WNT3: variants seen among roughly 807,000 people sequenced by gnomAD.
WNT3 encodes Wnt family member 3.
A neutral mutation model predicts 34.2 loss-of-function variants in WNT3; 7 were observed. The observed-to-expected ratio is 0.20, with a 90% CI of 0.12 to 0.38. WNT3 has a LOEUF of 0.38. WNT3 is among the 10% of genes least tolerant of loss of function. The probability of loss-of-function intolerance (pLI) is 1.00; values close to 1 mark genes in which losing one functional copy is unlikely to be tolerated. For missense variants in WNT3, 267 were observed against 499.8 expected (o/e 0.53, Z 4.44); for synonymous variants, 212 against 211.5 (o/e 1.00, Z -0.02).
At chr17:46,799,607 C>G (rs1360699907) in intron 1 of WNT3, among the ~76,000 whole-genome samples, 1 of 152,114 alleles carries the variant, frequency 6.6e-6, no homozygotes, top group Non-Finnish European at 1.5e-5. Flanking sequence ...GCCACCATGC[C>G]TGGCTACTTT....
chr17:46,782,371 C>T (rs1450104682), intron 1 of WNT3, among the ~76,000 whole-genome samples: 9 of 152,176 alleles, frequency 5.9e-5, no homozygotes, highest in African/African-American at 1.2e-4. Flanking sequence ...GTGGGGGCCA[C>T]GGTGCTCCTG....
chr17:46,788,761 C>G (rs2083940443), intron 1 of WNT3, among the ~76,000 whole-genome samples: 1 of 151,222 alleles, frequency 6.6e-6, no homozygotes, highest in Non-Finnish European at 1.5e-5. Context: ...CTGCGAGGAC[C>G]TCCCTGCCTC....
rs979490074 is a variant in WNT3, at chr17:46,763,837, A to AG, written c.*792_*793insC. 7.0e-6 allele frequency: 1 copy of AG among 143,582 alleles called. No individual in the cohort carries two copies. The highest frequency in any genetic ancestry group is 1.5e-5 in the Non-Finnish European group (1 of 67,620). The allele number at this position is 143,582 out of a possible 1,614,324, so 8.9% of individuals were successfully genotyped here. ...TTACAAGGTCCACTACCACCAAAAA[A>AG]AAAAAAAAACAAAAAAACAAAAAAA... On this transcript the variant is annotated 3_prime_UTR_variant, in exon 5 of 5. Coordinates refer to ENST00000225512, the MANE Select transcript of WNT3 (RefSeq NM_030753.5).
intron 2 of WNT3, among the ~76,000 whole-genome samples, chr17:46,770,370 A>G (rs2059353066): frequency 6.6e-6 from 1 of 152,200 alleles, no homozygotes; most frequent in Non-Finnish European, 1.5e-5. Flanking sequence ...GAGATAAGGC[A>G]GCCACTTCTG....
chr17:46,790,895 T>C (rs927397500), intron 1 of WNT3, among the ~76,000 whole-genome samples: 3 of 152,252 alleles, frequency 2.0e-5, no homozygotes, highest in East Asian at 1.9e-4. Context: ...GGATAAAAGA[T>C]GTGTTTCAAA....
intron 1 of WNT3, among the ~76,000 whole-genome samples, chr17:46,784,710 C>T (rs951444752): frequency 6.6e-6 from 1 of 152,050 alleles, no homozygotes; most frequent in African/African-American, 2.4e-5. Context: ...AGATGCACAG[C>T]CAACATACCT....
At chr17:46,797,265 C>T (rs1389992527) in intron 1 of WNT3, among the ~76,000 whole-genome samples, 1 of 152,208 alleles carries the variant, frequency 6.6e-6, no homozygotes, top group Non-Finnish European at 1.5e-5. Context: ...CGATGTCCTA[C>T]TCTGGCCCAA....
rs140405919 is a variant in WNT3 at position 46,816,228 on chromosome 17, T to C, written c.80+2290A>G. Among the ~76,000 whole-genome samples, 3 of 151,230 alleles carry C rather than the reference T, an allele frequency of 2.0e-5. No homozygotes were observed. In the East Asian group the frequency reaches 5.9e-4, roughly 30 times the overall value. On this transcript the variant is annotated intron_variant, in intron 1 of 4. Coordinates refer to ENST00000225512, the MANE Select transcript of WNT3 (RefSeq NM_030753.5). ...GCAGACACAGGCTCTGACCTTTACA[T>C]GGGCAAAGATACTTCTAGACTTCTC...
chr17:46,777,093 C>A (rs1225453867), intron 1 of WNT3, among the ~76,000 whole-genome samples: 1 of 152,210 alleles, frequency 6.6e-6, no homozygotes, highest in African/African-American at 2.4e-5. Flanking sequence ...GCCTGTAATC[C>A]CAGCTACCCA....
At chr17:46,799,985 G>A (rs1048578705) in intron 1 of WNT3, among the ~76,000 whole-genome samples, 4 of 152,130 alleles carry the variant, frequency 2.6e-5, no homozygotes, top group African/African-American at 4.8e-5. Flanking sequence ...GCCCAGAGCC[G>A]GACTTCCTGG....
intron 2 of WNT3, among the ~76,000 whole-genome samples, chr17:46,771,420 C>T (rs563573106): frequency 8.9e-4 from 135 of 151,294 alleles, no homozygotes; most frequent in Non-Finnish European, 1.4e-3. Context: ...TCGTTTCCGG[C>T]CGGCCTGCGG....
At chr17:46,772,859 C>A (rs2059386031) in intron 2 of WNT3, among the ~76,000 whole-genome samples, 1 of 148,006 alleles carries the variant, frequency 6.8e-6, no homozygotes, top group African/African-American at 2.5e-5. Context: ...TCCCTAGCTT[C>A]TAATAGGAGG....
intron 1 of WNT3, among the ~76,000 whole-genome samples, chr17:46,784,905 A>G (rs1457675896): frequency 1.3e-5 from 2 of 151,390 alleles, no homozygotes; most frequent in Non-Finnish European, 2.9e-5. Flanking sequence ...CCTCCCGAGT[A>G]GCTGGGACTA....
intron 1 of WNT3, among the ~76,000 whole-genome samples, chr17:46,816,468 A>AAC (rs879498852): frequency 3.5e-4 from 34 of 96,526 alleles, no homozygotes; most frequent in East Asian, 1.6e-3. Flanking sequence ...ATAGACCCAG[A>AAC]ACACACGCAC....
At chr17:46,782,166 T>C (rs1452310427) in intron 1 of WNT3, among the ~76,000 whole-genome samples, 1 of 152,172 alleles carries the variant, frequency 6.6e-6, no homozygotes, top group Non-Finnish European at 1.5e-5. Flanking sequence ...AAATAGGCCC[T>C]TTGCCCTTAC....
intron 1 of WNT3, among the ~76,000 whole-genome samples, chr17:46,792,421 C>T (rs1222597896): frequency 6.6e-6 from 1 of 152,184 alleles, no homozygotes; most frequent in Non-Finnish European, 1.5e-5. Flanking sequence ...ATTTCCTCAA[C>T]TCTGCTCTAA....
At position 46,769,924 on chromosome 17, in the gene WNT3, A is replaced by G. The variant is rs533679692; in HGVS notation, c.447T>C (p.Pro149=). 4 of 1,613,490 alleles carry G rather than the reference A, an allele frequency of 2.5e-6. No individual in the cohort carries two copies. Among genetic ancestry groups the G allele is most frequent in the Non-Finnish European group, 2.5e-6 (3 of 1,179,880 alleles). ...AGCCGCCCCACTTCCAGCCTTCGCC[A>G]GGCGGCCCCTTATGATGCGAGTCAC... ...CGCDSHHKGP[P]GEGWKWGGCS... The change falls in exon 3 of 5, where the codon CCT becomes CCC. Residue 149 remains proline (P), a synonymous_variant. Transcript: ENST00000225512.
At chr17:46,817,798 GAAC>G (rs1344050947) in intron 1 of WNT3, among the ~76,000 whole-genome samples, 1 of 152,092 alleles carries the variant, frequency 6.6e-6, no homozygotes, top group African/African-American at 2.4e-5. Context: ...TTTGGTCAAA[GAAC>G]AACAAGCCTA....
intron 1 of WNT3, among the ~76,000 whole-genome samples, chr17:46,791,939 C>CGCTTGAGCCCAGGAGTT (rs1352983422): frequency 6.6e-6 from 1 of 152,162 alleles, no homozygotes; most frequent in Admixed American, 6.5e-5. Flanking sequence ...ACTGGGGAGA[C>CGCTTGAGCCCAGGAGTT]TGAGGCGGGA....
Sources: allele counts gnomAD v4.1 joint callset (sites outside exome capture counted in the v4.1 genomes callset), GRCh38; gene constraint gnomAD v4.1.1; transcripts MANE v1.5; gene names NCBI Gene and HGNC (gene_info 2026-07-23, HGNC 2026-07-21).